Variants in GABRA3 observed in about 807,000 individuals in gnomAD.
GABRA3 encodes the protein gamma-aminobutyric acid type A receptor subunit alpha3.
GABRA3 carries 10 observed loss-of-function variants against 30.1 expected under a neutral mutation model. The observed-to-expected ratio is 0.33, with a 90% confidence interval of 0.20 to 0.56. The LOEUF (loss-of-function observed/expected upper bound fraction) is 0.56. GABRA3 is among the 20% of genes least tolerant of loss of function. The pLI is 0.89. For missense variants in GABRA3, 233 were observed against 392.0 expected (o/e 0.59, Z 3.42); for synonymous variants, 151 against 146.8 (o/e 1.03, Z -0.21).
At chrX:152,257,574 TTAG>T (rs755343870) in intron 4 of GABRA3, among the ~76,000 whole-genome samples, 2 of 112,800 alleles carry the variant, frequency 1.8e-5, no homozygotes, top group East Asian at 5.6e-4. Context: ...TTCTCTTCCT[TTAG>T]TAGACCAAAA....
intron 9 of GABRA3, among the ~76,000 whole-genome samples, chrX:152,182,380 A>G (rs1443196597): frequency 5.2e-5 from 5 of 96,927 alleles, no homozygotes; most frequent in Non-Finnish European, 1.0e-4. Context: ...TACACTATAT[A>G]TAGTGTATAT....
intron 5 of GABRA3, among the ~76,000 whole-genome samples, chrX:152,252,828 C>T (rs1295081500): frequency 1.8e-5 from 2 of 111,454 alleles, no homozygotes; most frequent in African/African-American, 6.5e-5. Context: ...AGGGCCAAGA[C>T]CACCTGGCAT....
intron 3 of GABRA3, among the ~76,000 whole-genome samples, chrX:152,291,589 C>T (rs1237539713): frequency 1.8e-5 from 2 of 111,583 alleles, no homozygotes; most frequent in Non-Finnish European, 3.8e-5. Context: ...TGTCTTGTGC[C>T]AGTTTTCAAA....
chrX:152,248,066 C>G (rs1319623668), intron 5 of GABRA3, among the ~76,000 whole-genome samples: 1 of 111,141 alleles, frequency 9.0e-6, no homozygotes, highest in Non-Finnish European at 1.9e-5. Flanking sequence ...AAACGTCTCT[C>G]ATTATACTTG....
intron 1 of GABRA3, among the ~76,000 whole-genome samples, chrX:152,404,995 G>A (rs1929893345): frequency 9.2e-6 from 1 of 108,402 alleles, no homozygotes; most frequent in Non-Finnish European, 1.9e-5. Context: ...CAACTTTATA[G>A]GAAAAAAATA....
chrX:152,448,166 A>G (rs1391800197), intron 1 of GABRA3, among the ~76,000 whole-genome samples: 2 of 112,177 alleles, frequency 1.8e-5, no homozygotes, highest in African/African-American at 6.5e-5. Flanking sequence ...CCAGTACTCT[A>G]CTAGAGCTTT....
chrX:152,294,395 C>A (rs1471659411), intron 3 of GABRA3, among the ~76,000 whole-genome samples: 2 of 111,172 alleles, frequency 1.8e-5, no homozygotes, highest in African/African-American at 6.6e-5. Flanking sequence ...ATCACCGATA[C>A]CCTTTCTTCC....
At chrX:152,416,564 A>C (rs1930225655) in intron 1 of GABRA3, among the ~76,000 whole-genome samples, 1 of 110,603 alleles carries the variant, frequency 9.0e-6, no homozygotes, top group Non-Finnish European at 1.9e-5. Flanking sequence ...CGCATCGCCA[A>C]GTCAATCCTA....
At chrX:152,287,192 T>C (rs1486200304) in intron 3 of GABRA3, among the ~76,000 whole-genome samples, 1 of 112,070 alleles carries the variant, frequency 8.9e-6, no homozygotes, top group Non-Finnish European at 1.9e-5. Context: ...TAAATCAACA[T>C]GGTTGTAAAA....
At chrX:152,392,931 T>C (rs1486749058) in intron 1 of GABRA3, among the ~76,000 whole-genome samples, 1 of 111,817 alleles carries the variant, frequency 8.9e-6, no homozygotes, top group Admixed American at 9.6e-5. Flanking sequence ...AACAGCTTTG[T>C]CCATGAGTAG....
rs1043030611 is a variant in GABRA3, at chrX:152,294,007, G to C, written c.263-9272C>G. The stretch of plus-strand genomic sequence containing the variant: ...CTGCCAAGAGATCCGCTGTTAGTCT[G>C]ATGGGCTTCCCTTTGTGGGTAATCC... On this transcript the variant is annotated intron_variant, in intron 3 of 9. Transcript: ENST00000370314. Among the ~76,000 whole-genome samples the C allele has an allele frequency of 1.1e-4, 12 of 111,737 alleles. No individual in the cohort carries two copies. In the Admixed American group the frequency reaches 1.1e-3, roughly 11 times the overall value.
intron 5 of GABRA3, among the ~76,000 whole-genome samples, chrX:152,245,952 T>A (rs1190116527): frequency 8.9e-6 from 1 of 111,949 alleles, no homozygotes; most frequent in East Asian, 2.8e-4. Flanking sequence ...GTATGGTAAT[T>A]GGCACATAGC....
chrX:152,351,666 T>C (rs1299060710), intron 2 of GABRA3, among the ~76,000 whole-genome samples: 1 of 111,986 alleles, frequency 8.9e-6, no homozygotes, highest in East Asian at 2.8e-4. Context: ...TTAATTTCCT[T>C]CAAAAACCTT....
At chrX:152,262,895 C>T (rs978708999) in intron 4 of GABRA3, among the ~76,000 whole-genome samples, 1 of 111,983 alleles carries the variant, frequency 8.9e-6, no homozygotes, top group Non-Finnish European at 1.9e-5. Flanking sequence ...CTAATAAAGA[C>T]ATATCCGAGA....
intron 7 of GABRA3, among the ~76,000 whole-genome samples, chrX:152,198,135 T>C (rs1219987793): frequency 8.9e-6 from 1 of 112,341 alleles, no homozygotes; most frequent in African/African-American, 3.2e-5. Context: ...AAATATTTAA[T>C]CTTCACAGGA....
chrX:152,320,614 G>A (rs181140538), intron 3 of GABRA3, among the ~76,000 whole-genome samples: 1 of 111,293 alleles, frequency 9.0e-6, no homozygotes, highest in Non-Finnish European at 1.9e-5. Flanking sequence ...TACAAATGGG[G>A]TTGAGTGTAT....
At chrX:152,338,130 C>G (rs887400406) in intron 3 of GABRA3, among the ~76,000 whole-genome samples, 3 of 111,923 alleles carry the variant, frequency 2.7e-5, no homozygotes, top group Non-Finnish European at 5.6e-5. Flanking sequence ...AGTGCCCATA[C>G]TGATTTACAT....
intron 3 of GABRA3, among the ~76,000 whole-genome samples, chrX:152,318,134 T>C (rs1939906402): frequency 9.0e-6 from 1 of 111,272 alleles, no homozygotes; most frequent in Non-Finnish European, 1.9e-5. Flanking sequence ...ATGGGAGATA[T>C]TACAGCTGAC....
In GABRA3 at chrX:152,364,790, C is replaced by T. The variant is rs748898298; in HGVS notation, c.-26-194G>A. ...CCCAGCTTGTCAATGCCACCAAAAT[C>T]GCCCCCAATATACCCTTCTCCTAAA... On this transcript the variant is annotated intron_variant, in intron 1 of 9. Transcript: ENST00000370314. Among the ~76,000 whole-genome samples, 12 of 111,156 alleles carry T rather than the reference C, an allele frequency of 1.1e-4. No homozygotes were observed. The Admixed American group carries it at 1.2e-3, about 11-fold the overall frequency.
Sources: allele counts gnomAD v4.1 joint callset (sites outside exome capture counted in the v4.1 genomes callset), GRCh38; gene constraint gnomAD v4.1.1; transcripts MANE v1.5; gene names NCBI Gene and HGNC (gene_info 2026-07-23, HGNC 2026-07-21).